Variants in POU6F2 observed in about 807,000 individuals in gnomAD.
POU6F2 encodes POU class 6 homeobox 2, also known as POU domain, class 6, transcription factor 2.
Under a neutral mutation model 71.3 loss-of-function variants are expected in POU6F2, and 31 were observed. The ratio of observed to expected loss-of-function variants is 0.43; its 90% CI spans 0.33 to 0.59. POU6F2 has a LOEUF of 0.59. POU6F2 is among the 20% of genes least tolerant of loss of function. POU6F2 has a pLI of 0.04. For synonymous variants in POU6F2, 347 were observed against 355.7 expected (o/e 0.98, Z 0.27); for missense variants, 783 against 856.8 (o/e 0.91, Z 1.07).
At chr7:39,240,112 G>T (rs1268887017) in intron 4 of POU6F2, among the ~76,000 whole-genome samples, 1 of 152,120 alleles carries the variant, frequency 6.6e-6, no homozygotes, top group African/African-American at 2.4e-5. Flanking sequence ...TCCATTTCCA[G>T]CATTCCTGCT....
chr7:39,079,033 G>C (rs1039827166), intron 1 of POU6F2, among the ~76,000 whole-genome samples: 2 of 152,154 alleles, frequency 1.3e-5, no homozygotes, highest in Admixed American at 1.3e-4. Flanking sequence ...TGAGAGTGTG[G>C]AGAGAAAAGT....
chr7:39,357,976 AAGAG>A (rs760133440), intron 5 of POU6F2, among the ~76,000 whole-genome samples: 175 of 152,126 alleles, frequency 1.2e-3, no homozygotes, highest in Non-Finnish European at 2.1e-3. Context: ...TTTTGAGAGA[AAGAG>A]AGAGAGTGAG....
At chr7:39,373,212 A>G (rs952017312) in intron 5 of POU6F2, among the ~76,000 whole-genome samples, 2 of 152,228 alleles carry the variant, frequency 1.3e-5, no homozygotes, top group Non-Finnish European at 2.9e-5. Flanking sequence ...TAAGTACTAG[A>G]TATGACCATA....
intron 4 of POU6F2, among the ~76,000 whole-genome samples, chr7:39,251,448 C>T (rs1783913343): frequency 6.6e-6 from 1 of 152,038 alleles, no homozygotes; most frequent in South Asian, 2.1e-4. Flanking sequence ...GTCTCCAGGC[C>T]AGAGTGTGGA....
intron 4 of POU6F2, among the ~76,000 whole-genome samples, chr7:39,233,141 T>C (rs1794606113): frequency 6.6e-6 from 1 of 152,212 alleles, no homozygotes; most frequent in African/African-American, 2.4e-5. Context: ...ACCAGTTGTC[T>C]GGAACCTCAG....
intron 4 of POU6F2, among the ~76,000 whole-genome samples, chr7:39,228,363 G>T (rs1279976886): frequency 2.0e-5 from 3 of 152,144 alleles, no homozygotes; most frequent in East Asian, 3.9e-4. Context: ...TTTTGACTTG[G>T]TTTTTTGTTG....
rs145961110 is a variant in POU6F2, at chr7:39,464,495, A to C, written c.1972A>C (p.Asn658His). ...GATCCTCAATGCCCACTTTGAGAAG[A>C]ACACACACCCTTCTGGGCAGGAAAT... ...LEILNAHFEK[N>H]THPSGQEMTE... Residue 658 changes from asparagine (N) to histidine (H), a missense_variant, in exon 10 of 10, where the codon AAC (asparagine) becomes CAC (histidine). By Grantham distance (68) the Asn-to-His change is moderately conservative (BLOSUM62 1). Transcript: ENST00000518318. This position sits in a 1 kb window ranked among gnomAD's most constrained non-coding sequence, Gnocchi z 4.1. 459 of 1,613,904 alleles carry C rather than the reference A, an allele frequency of 2.8e-4. 4 individuals are homozygous for C. In the Middle Eastern group the frequency reaches 6.4e-3, roughly 23 times the overall value.
intron 4 of POU6F2, among the ~76,000 whole-genome samples, chr7:39,271,507 A>C (rs1028465376): frequency 3.9e-5 from 6 of 151,992 alleles, no homozygotes; most frequent in Admixed American, 1.3e-4. Flanking sequence ...AAAAAAAAAA[A>C]AAAAAACCCT....
Position 39,299,939 on chromosome 7 carries a change from A to C in POU6F2, c.599-39703A>C, listed in dbSNP as rs367788101. 6.6e-4 allele frequency among the ~76,000 whole-genome samples: 101 copies of C among 152,266 alleles called. 1 individual carries two copies. The East Asian group carries it at 0.018, about 28-fold the overall frequency. On this transcript the variant is annotated intron_variant, in intron 4 of 9. Transcript: ENST00000518318. ...ACAGCCACTGTTGTTTCATGCCCCCAGCCAGGAGGCAGAGACTCCTTCTCA... is the reference window on the plus strand; with the variant it reads ...ACAGCCACTGTTGTTTCATGCCCCCCGCCAGGAGGCAGAGACTCCTTCTCA...
chr7:39,028,291 T>TTGC (rs1235156052), intron 1 of POU6F2, among the ~76,000 whole-genome samples: 1 of 152,186 alleles, frequency 6.6e-6, no homozygotes, highest in Admixed American at 6.5e-5. Flanking sequence ...ATGGTGTCTG[T>TTGC]TGCTGGGCGG....
chr7:39,369,469 TCC>T (rs1439883508), intron 5 of POU6F2, among the ~76,000 whole-genome samples: 1 of 151,742 alleles, frequency 6.6e-6, no homozygotes, highest in African/African-American at 2.4e-5. Flanking sequence ...TAAGGAATTC[TCC>T]CGCCTCAGCC....
chr7:39,449,307 T>C (rs1190559054), intron 7 of POU6F2, among the ~76,000 whole-genome samples: 1 of 152,228 alleles, frequency 6.6e-6, no homozygotes, highest in Admixed American at 6.5e-5. Flanking sequence ...GGAGCCATTA[T>C]TAATTACTAC....
At chr7:39,373,778 C>G (rs1286850374) in intron 5 of POU6F2, 1 of 306,064 alleles carries the variant, frequency 3.3e-6, no homozygotes, top group African/African-American at 2.2e-5. Context: ...GTTGAGAGAG[C>G]AAAGGTATCT....
Position 39,384,477 on chromosome 7 carries a change from G to A in POU6F2, c.973-22123G>A, listed in dbSNP as rs1786895675. On this transcript the variant is annotated intron_variant, in intron 5 of 9. Coordinates refer to ENST00000518318, the MANE Select transcript of POU6F2 (RefSeq NM_001370959.1). ...AGAACTAAAGAGTTAGTTGGAATCTGCAGTTCTTTTGTGTTTCTTTTTAAC... is the reference window on the plus strand; with the variant it reads ...AGAACTAAAGAGTTAGTTGGAATCTACAGTTCTTTTGTGTTTCTTTTTAAC... Among the ~76,000 whole-genome samples, 3 of 152,176 alleles carry A rather than the reference G, an allele frequency of 2.0e-5. No homozygotes were observed. The South Asian group carries it at 6.2e-4, about 32-fold the overall frequency.
chr7:39,153,622 A>T (rs962385397), intron 2 of POU6F2, among the ~76,000 whole-genome samples: 1 of 152,352 alleles, frequency 6.6e-6, no homozygotes, highest in East Asian at 1.9e-4. Flanking sequence ...TAAAAGATTA[A>T]TTAAAAGAAA....
At chr7:39,002,427 A>C (rs1788940988) in intron 1 of POU6F2, among the ~76,000 whole-genome samples, 1 of 152,206 alleles carries the variant, frequency 6.6e-6, no homozygotes, top group African/African-American at 2.4e-5. Flanking sequence ...AGTTCACTGC[A>C]ATCTTTGCCT....
chr7:39,425,554 G>A (rs1314901184), intron 6 of POU6F2, among the ~76,000 whole-genome samples: 2 of 152,064 alleles, frequency 1.3e-5, no homozygotes, highest in Non-Finnish European at 2.9e-5. Flanking sequence ...TAATGCATTC[G>A]AATAGTATAC....
intron 1 of POU6F2, chr7:39,013,217 A>G (rs574466735): frequency 3.2e-5 from 5 of 153,892 alleles, no homozygotes; most frequent in African/African-American, 1.2e-4. Context: ...CAGGTGCGGG[A>G]TATAATCTTG....
At chr7:39,380,380 C>G (rs1190228198) in intron 5 of POU6F2, among the ~76,000 whole-genome samples, 1 of 152,136 alleles carries the variant, frequency 6.6e-6, no homozygotes, top group Non-Finnish European at 1.5e-5. Flanking sequence ...GTATCTGGCA[C>G]ATACTGTGTT....
Sources: gnomAD v4.1 joint callset for allele counts (sites outside exome capture counted in the v4.1 genomes callset) on GRCh38, gnomAD v4.1.1 for gene constraint, Gnocchi (gnomAD v3.1) non-coding constraint, MANE v1.5 for transcripts, NCBI Gene and HGNC (gene_info 2026-07-23, HGNC 2026-07-21) for gene names.